The following PIK3R3 variants were observed in gnomAD, a reference collection of about 807,000 sequenced individuals.
PIK3R3 encodes the protein phosphatidylinositol 3-kinase regulatory subunit gamma.
In PIK3R3, 64 loss-of-function variants were observed where a neutral mutation model predicts 62.9. That is an observed-to-expected ratio of 1.02 (90% CI 0.83 to 1.25). The LOEUF (loss-of-function observed/expected upper bound fraction) is 1.25, where lower values mean the gene tolerates loss of function less well. PIK3R3 is among the 50% of genes most tolerant of loss of function. The pLI, the probability that PIK3R3 is intolerant of heterozygous loss-of-function variation, is 0.00. For missense variants in PIK3R3, 614 were observed against 561.6 expected, an observed-to-expected ratio of 1.09 and a Z score of -0.94; for synonymous variants, 165 against 189.0, an observed-to-expected ratio of 0.87 and a Z score of 1.04.
chr1:46,090,660 C>T (rs1279748123), intron 1 of PIK3R3, among the ~76,000 whole-genome samples: 1 of 152,006 alleles, frequency 6.6e-6, no homozygotes, highest in African/African-American at 2.4e-5. Context: ...AAATATTAAA[C>T]CATGTAAGTT....
intron 1 of PIK3R3, among the ~76,000 whole-genome samples, chr1:46,129,151 G>C (rs1038328009): frequency 5.9e-5 from 9 of 151,636 alleles, no homozygotes; most frequent in African/African-American, 1.9e-4. Context: ...GAAGGGTTTA[G>C]AGAACATATT....
the PIK3R3 span, among the ~76,000 whole-genome samples, chr1:46,165,085 A>G: frequency 6.6e-6 from 1 of 151,856 alleles, no homozygotes; most frequent in Admixed American, 6.6e-5. Context: ...CTCCCGAGTA[A>G]CTTCCTCCCT....
At chr1:46,123,761 A>G (rs1654865420) in intron 1 of PIK3R3, among the ~76,000 whole-genome samples, 1 of 152,234 alleles carries the variant, frequency 6.6e-6, no homozygotes, top group African/African-American at 2.4e-5. Flanking sequence ...TAACAATGCC[A>G]ATTTTATAAG....
At chr1:46,113,364 A>G (rs1279778446) in intron 1 of PIK3R3, among the ~76,000 whole-genome samples, 1 of 149,686 alleles carries the variant, frequency 6.7e-6, no homozygotes, top group East Asian at 2.0e-4. Context: ...CAATGACCCA[A>G]TCATAGTTCA....
intron 7 of PIK3R3, chr1:46,048,181 A>G (rs570948290): frequency 2.0e-5 from 3 of 152,370 alleles, no homozygotes; most frequent in Non-Finnish European, 2.9e-5. Context: ...GCCAATTATT[A>G]AAACAGCACA....
intron 7 of PIK3R3, among the ~76,000 whole-genome samples, chr1:46,051,926 A>G (rs986141226): frequency 6.6e-6 from 1 of 152,178 alleles, no homozygotes; most frequent in Non-Finnish European, 1.5e-5. Flanking sequence ...TCACAAGGTC[A>G]GGAGATTGAG....
chr1:46,124,550 A>G (rs1005100168), intron 1 of PIK3R3, among the ~76,000 whole-genome samples: 4 of 152,228 alleles, frequency 2.6e-5, no homozygotes, highest in Admixed American at 2.6e-4. Flanking sequence ...TAATCCCAGC[A>G]CTTTGGGAGG....
rs1647031584 is a variant in PIK3R3 at position 46,043,473 on chromosome 1, C to CG, written c.*199dup. ...CTTCCAGCTTAGTATGTCAGTGCAGCGGCATGGCTGAGTCCTAGAGAACCT... is the reference window on the plus strand; with the variant it reads ...CTTCCAGCTTAGTATGTCAGTGCAGCGGGCATGGCTGAGTCCTAGAGAACCT... On this transcript the variant is annotated 3_prime_UTR_variant, in exon 10 of 10. Transcript: ENST00000262741. The CG allele has an allele frequency of 2.1e-5, 12 of 578,376 alleles. No individual in the cohort carries two copies. In the South Asian group the frequency reaches 2.2e-4, roughly 11 times the overall value. 35.8% of individuals were successfully genotyped at this position (578,376 alleles called of 1,614,324 possible).
rs1648539150 is a variant in PIK3R3, at chr1:46,061,991, T to A, written c.702A>T (p.Glu234Asp). ...GCTCAATATATTCTTTGCTATGTTGTTCTTGTGTGTGACACTGCTCTTCAA... is the reference window on the plus strand; with the variant it reads ...GCTCAATATATTCTTTGCTATGTTGATCTTGTGTGTGACACTGCTCTTCAA... ...KIFEEQCHTQ[E>D]QHSKEYIERF... is the part of the protein sequence containing the mutation. Residue 234 changes from glutamate to aspartate, a missense_variant, in exon 6 of 10, where the codon GAA (glutamate) becomes GAT (aspartate). Glu to Asp is a conservative substitution (Grantham distance 45). Coordinates refer to ENST00000262741, the MANE Select transcript of PIK3R3 (RefSeq NM_003629.4). 1 of 1,612,552 alleles carries A rather than the reference T, an allele frequency of 6.2e-7. No homozygotes were observed. The highest frequency in any genetic ancestry group is 1.7e-5 in the Admixed American group (1 of 59,998).
intron 1 of PIK3R3, among the ~76,000 whole-genome samples, chr1:46,086,957 T>G (rs1651112363): frequency 6.6e-6 from 1 of 152,166 alleles, no homozygotes; most frequent in Non-Finnish European, 1.5e-5. Context: ...GGCTCTGGAC[T>G]CTTCATCCAT....
intron 6 of PIK3R3, among the ~76,000 whole-genome samples, chr1:46,061,168 C>T (rs1468545012): frequency 6.6e-6 from 1 of 152,194 alleles, no homozygotes; most frequent in Non-Finnish European, 1.5e-5. Context: ...CTGGTTCCAA[C>T]CCTAAACTCT....
In PIK3R3 at chr1:46,066,494, T is replaced by G. The variant is rs549639102; in HGVS notation, c.496-315A>C. 2.0e-5 allele frequency among the ~76,000 whole-genome samples: 3 copies of G among 152,312 alleles called. No individual in the cohort carries two copies. In the East Asian group the frequency reaches 5.8e-4, roughly 29 times the overall value. ...CATGCAATAAGATATTACAGAAGGG[T>G]AGCCACAAAATAAGTTCCAAAAATA... is the stretch of plus-strand genomic sequence containing the variant. On this transcript the variant is annotated intron_variant, in intron 4 of 9. Coordinates refer to ENST00000262741, the MANE Select transcript of PIK3R3 (RefSeq NM_003629.4).
At chr1:46,159,194 A>G in the PIK3R3 span, among the ~76,000 whole-genome samples, 1 of 152,212 alleles carries the variant, frequency 6.6e-6, no homozygotes, top group Non-Finnish European at 1.5e-5. Flanking sequence ...CTTTAACTCC[A>G]TAGCACTTAT....
chr1:46,074,304 A>AC (rs1649849773), intron 3 of PIK3R3, among the ~76,000 whole-genome samples: 1 of 140,158 alleles, frequency 7.1e-6, no homozygotes. Context: ...AAAAAAAAAA[A>AC]AAAAAAAAAA....
At chr1:46,134,881 C>T (rs887273116), upstream of PIK3R3, among the ~76,000 whole-genome samples, 1 of 152,174 alleles carries the variant, frequency 6.6e-6, no homozygotes, top group Non-Finnish European at 1.5e-5. Context: ...GACGTCCAAG[C>T]ACAGTATATA....
At chr1:46,092,605 C>T (rs760125820) in intron 1 of PIK3R3, among the ~76,000 whole-genome samples, 5 of 152,236 alleles carry the variant, frequency 3.3e-5, no homozygotes, top group Non-Finnish European at 7.4e-5. Context: ...ACTCGTGATC[C>T]GCCTGCCTCG....
At chr1:46,150,855 C>G in the PIK3R3 span, among the ~76,000 whole-genome samples, 127 of 139,754 alleles carry the variant, frequency 9.1e-4, no homozygotes, top group African/African-American at 3.4e-3. Context: ...GTTGCCCAGG[C>G]TGGAATGCAA....
At chr1:46,083,817 C>T (rs1650823751) in intron 1 of PIK3R3, among the ~76,000 whole-genome samples, 2 of 152,260 alleles carry the variant, frequency 1.3e-5, no homozygotes, top group Middle Eastern at 3.4e-3. Context: ...TTGGAATACT[C>T]ATAGACTGCT....
At chr1:46,166,610 C>A in the PIK3R3 span, among the ~76,000 whole-genome samples, 2 of 152,158 alleles carry the variant, frequency 1.3e-5, no homozygotes, top group African/African-American at 4.8e-5. Context: ...GTTCGGCATG[C>A]CCTTCCCCCA....
Sources: gnomAD v4.1 joint callset for allele counts (sites outside exome capture counted in the v4.1 genomes callset) on GRCh38, gnomAD v4.1.1 for gene constraint, MANE v1.5 for transcripts, NCBI Gene and HGNC (gene_info 2026-07-23, HGNC 2026-07-21) for gene names.